Variants in NBAS observed in about 807,000 individuals in gnomAD.
NBAS encodes NAG/BC035112 fusion.
NBAS carries 219 observed loss-of-function variants against 302.5 expected under a neutral mutation model. The ratio of observed to expected loss-of-function variants is 0.72; its 90% CI spans 0.65 to 0.81. NBAS has a LOEUF of 0.81. NBAS is among the 30% of genes least tolerant of loss of function. The pLI is 0.00. For missense variants in NBAS, 2,932 were observed against 2,841.6 expected (o/e 1.03, Z -0.72); for synonymous variants, 1,118 against 1,021.6 (o/e 1.09, Z -1.80).
At chr2:15,101,886 C>T in the NBAS span, among the ~76,000 whole-genome samples, 1 of 152,200 alleles carries the variant, frequency 6.6e-6, no homozygotes, top group East Asian at 1.9e-4. Context: ...TCCGCATTTC[C>T]CCACTTTCTG....
At chr2:15,048,959 A>G in the NBAS span, among the ~76,000 whole-genome samples, 3 of 152,248 alleles carry the variant, frequency 2.0e-5, no homozygotes, top group Non-Finnish European at 4.4e-5. Flanking sequence ...AGCCCAGTCC[A>G]GAGCAGGGGC....
intron 40 of NBAS, among the ~76,000 whole-genome samples, chr2:15,293,803 CT>C (rs1188585336): frequency 6.6e-6 from 1 of 152,218 alleles, no homozygotes; most frequent in African/African-American, 2.4e-5. Context: ...GACATTCTCT[CT>C]CTTGATCCTA....
chr2:15,320,911 A>T (rs1225042016), intron 38 of NBAS, among the ~76,000 whole-genome samples: 1 of 152,190 alleles, frequency 6.6e-6, no homozygotes, highest in Non-Finnish European at 1.5e-5. Context: ...GTTCATATGG[A>T]ACCAAAAAAG....
At chr2:15,519,647 G>A (rs1314002510) in intron 9 of NBAS, among the ~76,000 whole-genome samples, 2 of 152,006 alleles carry the variant, frequency 1.3e-5, no homozygotes, top group African/African-American at 2.4e-5. Flanking sequence ...ATCTCCCTAT[G>A]TAGCCCAGGC....
chr2:15,483,375 T>C (rs1190165641), intron 12 of NBAS: 1 of 430,670 alleles, frequency 2.3e-6, no homozygotes, highest in Non-Finnish European at 4.8e-6. Flanking sequence ...ACACCTACTA[T>C]GTGTGAAAAA....
chr2:15,209,766 C>T (rs760497646), intron 48 of NBAS, among the ~76,000 whole-genome samples: 9 of 151,908 alleles, frequency 5.9e-5, no homozygotes, highest in Admixed American at 1.3e-4. Flanking sequence ...GTAGTAGTAT[C>T]AAAAGATACA....
intron 22 of NBAS, 93 bp from the exon 23 acceptor site, chr2:15,424,561 A>G: frequency 7.1e-7 from 1 of 1,400,872 alleles, no homozygotes; most frequent in Non-Finnish European, 1.0e-6. Context: ...AGATGGGGAG[A>G]AAGTAAGAGA....
intron 39 of NBAS, 101 bp downstream of exon 39, chr2:15,309,070 G>C (rs1335709798): frequency 3.1e-6 from 2 of 651,598 alleles, no homozygotes; most frequent in East Asian, 3.5e-5. Context: ...AAAAGAAACA[G>C]GAGGAAATGG....
At chr2:15,048,588 G>A in the NBAS span, among the ~76,000 whole-genome samples, 4 of 152,194 alleles carry the variant, frequency 2.6e-5, no homozygotes, top group African/African-American at 9.6e-5. Context: ...TCCACCCAAG[G>A]CCAGGCTGGC....
intron 49 of NBAS, among the ~76,000 whole-genome samples, chr2:15,189,834 C>T (rs1446127197): frequency 6.6e-6 from 1 of 152,166 alleles, no homozygotes; most frequent in Non-Finnish European, 1.5e-5. Context: ...ACATCACCTT[C>T]CCTTGTAGGT....
chr2:15,469,351 T>G (rs960778118), intron 16 of NBAS, among the ~76,000 whole-genome samples: 4 of 152,186 alleles, frequency 2.6e-5, no homozygotes, highest in Non-Finnish European at 5.9e-5. Flanking sequence ...TGCTATAAAT[T>G]TCCCTCTACA....
chr2:15,378,838 GA>G (rs1266734283), intron 30 of NBAS, among the ~76,000 whole-genome samples: 2 of 152,156 alleles, frequency 1.3e-5, no homozygotes, highest in Non-Finnish European at 2.9e-5. Context: ...CCACTTTTCT[GA>G]AATGTTGAAC....
At chr2:15,209,512 C>A (rs1666309731) in intron 48 of NBAS, among the ~76,000 whole-genome samples, 1 of 152,032 alleles carries the variant, frequency 6.6e-6, no homozygotes, top group African/African-American at 2.4e-5. Flanking sequence ...AGGCCAATAT[C>A]ATTGATAAAT....
downstream of NBAS, among the ~76,000 whole-genome samples, chr2:15,166,010 A>C (rs1479132028): frequency 2.0e-5 from 3 of 152,138 alleles, no homozygotes; most frequent in African/African-American, 7.2e-5. Context: ...GCTCTCCCCC[A>C]GCTGTGCCTC....
chr2:15,167,389 C>T, intron 51 of NBAS, 66 bp from the exon 52 acceptor site: 3 of 1,580,180 alleles, frequency 1.9e-6, no homozygotes, highest in Non-Finnish European at 2.6e-6. Context: ...CCTTGGATCC[C>T]TCGCTCTCCA....
At chr2:15,087,223 AACACACACACACACAC>A in the NBAS span, among the ~76,000 whole-genome samples, 4 of 143,192 alleles carry the variant, frequency 2.8e-5, no homozygotes, top group East Asian at 2.1e-4. Context: ...TTTTTATACA[AACACACACACACACAC>A]ACACACACAC....
the NBAS span, among the ~76,000 whole-genome samples, chr2:14,878,430 T>C: frequency 2.6e-5 from 4 of 152,168 alleles, no homozygotes; most frequent in Non-Finnish European, 5.9e-5. Context: ...CAGTCTTGCA[T>C]GTGAGCTGCT....
In NBAS at chr2:15,232,492, C is replaced by A. The variant is rs770856736; in HGVS notation, c.6166G>T (p.Gly2056Cys). Residue 2056 changes from glycine to cysteine, a missense_variant, in exon 47 of 52, where the codon GGT becomes TGT. Transcript: ENST00000281513. Reference protein sequence around the residue: ...SALSGGSADLGGPRDPLKVLE... With the variant: ...SALSGGSADLCGPRDPLKVLE... The stretch of plus-strand genomic sequence containing the variant: ...ACCTTCAGTGGGTCCCTTGGCCCAC[C>A]AAGGTCAGCACTGCCACCACTGTGA... The A allele has an allele frequency of 6.2e-7, 1 of 1,613,850 alleles. No homozygotes were observed. The highest frequency in any genetic ancestry group is 1.1e-5 in the South Asian group (1 of 91,078).
At chr2:15,197,294 C>T (rs1665668959) in intron 48 of NBAS, among the ~76,000 whole-genome samples, 2 of 152,176 alleles carry the variant, frequency 1.3e-5, no homozygotes, top group African/African-American at 4.8e-5. Flanking sequence ...CAAAGTCATA[C>T]AATCCTAGTT....
Sources: gnomAD v4.1 joint callset for allele counts (sites outside exome capture counted in the v4.1 genomes callset) on GRCh38, gnomAD v4.1.1 for gene constraint, MANE v1.5 for transcripts, NCBI Gene and HGNC (gene_info 2026-07-23, HGNC 2026-07-21) for gene names.